The following SOAT2 variants were observed in gnomAD, a reference collection of about 807,000 sequenced individuals.
SOAT2 encodes sterol O-acyltransferase 2.
Under a neutral mutation model 76.0 loss-of-function variants are expected in SOAT2, and 87 were observed. The ratio of observed to expected loss-of-function variants is 1.14; its 90% CI spans 0.96 to 1.37. The LOEUF (loss-of-function observed/expected upper bound fraction) is 1.37, where lower values mean the gene tolerates loss of function less well. SOAT2 is among the 40% of genes most tolerant of loss of function. SOAT2 has a pLI of 0.00. For synonymous variants in SOAT2, 285 were observed against 275.4 expected (o/e 1.03, Z -0.34); for missense variants, 686 against 682.1 (o/e 1.01, Z -0.06).
At chr12:53,105,438 C>A in intron 3 of SOAT2, 123 bp from the exon 4 acceptor site, 1 of 1,219,276 alleles carries the variant, frequency 8.2e-7, no homozygotes, top group Non-Finnish European at 1.2e-6. Context: ...CCGGTCCTGC[C>A]CTCTGGCCCT....
chr12:53,116,793 G>A (rs919735897), intron 7 of SOAT2, among the ~76,000 whole-genome samples: 11 of 151,816 alleles, frequency 7.2e-5, no homozygotes, highest in East Asian at 3.9e-4. Flanking sequence ...ACTTGAGTCC[G>A]GGAGGTGAAG....
chr12:53,123,931 C>T (rs1938236144), intron 14 of SOAT2, 58 bp downstream of exon 14: 1 of 1,609,326 alleles, frequency 6.2e-7, no homozygotes, highest in Non-Finnish European at 8.5e-7. Context: ...AGACCAACAG[C>T]CAGTCCCTCC....
chr12:53,110,004 C>T (rs1937989494), intron 5 of SOAT2, among the ~76,000 whole-genome samples: 1 of 152,178 alleles, frequency 6.6e-6, no homozygotes, highest in African/African-American at 2.4e-5. Context: ...AATATGTTTA[C>T]ACACAGAATT....
chr12:53,123,185 C>T lies in SOAT2; in HGVS notation c.1341C>T (p.Pro447=), dbSNP rs373967175. 13 of 1,614,052 alleles carry T rather than the reference C, an allele frequency of 8.1e-6. No homozygotes were observed. Among genetic ancestry groups the T allele is most frequent in the Middle Eastern group, 1.6e-4 (1 of 6,062 alleles). Residue 447 remains proline, a synonymous_variant, in exon 13 of 15, where the codon CCC becomes CCT. Coordinates refer to ENST00000301466, the MANE Select transcript of SOAT2 (RefSeq NM_003578.4). ...GCTTCGTCCTGGGGTTCTTCTATCCCGTCATGCTGATACTCTTCCTTGTCA... is the reference window on the plus strand; with the variant it reads ...GCTTCGTCCTGGGGTTCTTCTATCCTGTCATGCTGATACTCTTCCTTGTCA... ...IFCFVLGFFY[P]VMLILFLVIG... is the part of the protein sequence containing the mutation.
At position 53,119,239 on chromosome 12, in the gene SOAT2, A is replaced by T. The variant is rs375493038; in HGVS notation, c.1025A>T (p.His342Leu). 6.2e-7 allele frequency: 1 copy of T among 1,614,040 alleles called. No homozygotes were observed. Among genetic ancestry groups the T allele is most frequent in the East Asian group, 2.2e-5 (1 of 44,878 alleles). ...CGTGCCCTGGTGCTCTCTATCCTGC[A>T]TGCCACGTTGCCAGGTGAGCCAACT... ...STRALVLSIL[H>L]ATLPGIFMLL... The change falls in exon 10 of 15, where the codon CAT becomes CTT. Residue 342 changes from histidine to leucine, a missense_variant. Transcript: ENST00000301466.
intron 5 of SOAT2, among the ~76,000 whole-genome samples, chr12:53,114,634 T>C (rs1263291923): frequency 6.6e-6 from 1 of 152,212 alleles, no homozygotes; most frequent in African/African-American, 2.4e-5. Flanking sequence ...AGCAGGATAA[T>C]TGTTTGAACC....
chr12:53,104,796 C>T (rs575094491), intron 2 of SOAT2, among the ~76,000 whole-genome samples: 1 of 151,054 alleles, frequency 6.6e-6, no homozygotes, highest in African/African-American at 2.5e-5. Flanking sequence ...CCCTGATCCT[C>T]GCTGCTGCCC....
chr12:53,123,020 G>A, intron 12 of SOAT2, 61 bp from the exon 13 acceptor site: 1 of 1,494,882 alleles, frequency 6.7e-7, no homozygotes, highest in Non-Finnish European at 8.9e-7. Flanking sequence ...GCTGGAGGTG[G>A]GGGCTCTTTG....
At position 53,106,018 on chromosome 12, in the gene SOAT2, G is replaced by C; in HGVS notation, c.443+4G>C. On this transcript the variant is annotated splice_donor_region_variant and intron_variant, in intron 5 of 14. Transcript: ENST00000301466. ...TCGACTTCATTGATGAGGGCAGGTA[G>C]GTCCCCTTCCCACCTGGGACAGGCA... The C allele has an allele frequency of 6.2e-7, 1 of 1,607,344 alleles. No homozygotes were observed. The highest frequency in any genetic ancestry group is 1.7e-4 in the Middle Eastern group (1 of 5,926).
chr12:53,115,493 C>T lies in SOAT2; in HGVS notation c.547C>T (p.Gln183Ter), dbSNP rs545072906. The T allele has an allele frequency of 3.1e-6, 5 of 1,610,598 alleles. No individual in the cohort carries two copies. Among genetic ancestry groups the T allele is most frequent in the African/African-American group, 1.3e-5 (1 of 75,064 alleles). The change falls in exon 6 of 15, where the codon CAG becomes TAG. Residue 183 changes from glutamine to a stop codon, truncating the protein, a stop_gained. Transcript: ENST00000301466. LOFTEE classifies it high-confidence loss of function. ...TCTGTCCACCCTGTTGGCGCCGTACCAGGCCCTACGGCTGTGGGCCAGGGG... is the reference window on the plus strand; with the variant it reads ...TCTGTCCACCCTGTTGGCGCCGTACTAGGCCCTACGGCTGTGGGCCAGGGG... Reference protein sequence around the residue: ...MFLSTLLAPYQALRLWARGTW... With the variant: ...MFLSTLLAPY
Position 53,124,205 on chromosome 12 carries a change from A to C in SOAT2, c.*82A>C, listed in dbSNP as rs1938241072. On this transcript the variant is annotated 3_prime_UTR_variant, in exon 15 of 15. Coordinates refer to ENST00000301466, the MANE Select transcript of SOAT2 (RefSeq NM_003578.4). ...ACCTGGGACCAGGACTCCTGTCTGCATTCCCAAATTTGGCTCTGAGTCGAG... is the reference window on the plus strand; with the variant it reads ...ACCTGGGACCAGGACTCCTGTCTGCCTTCCCAAATTTGGCTCTGAGTCGAG... 1 of 1,512,730 alleles carries C rather than the reference A, an allele frequency of 6.6e-7. No individual in the cohort carries two copies. The highest frequency in any genetic ancestry group is 9.2e-7 in the Non-Finnish European group (1 of 1,089,452). The allele number at this position is 1,512,730 out of a possible 1,614,324, so 93.7% of individuals were successfully genotyped here.
chr12:53,122,971 C>T (rs1938216520), intron 12 of SOAT2, 110 bp from the exon 13 acceptor site: 1 of 1,249,594 alleles, frequency 8.0e-7, no homozygotes, highest in Non-Finnish European at 1.1e-6. Flanking sequence ...GCTGACCCCC[C>T]CACCTCCCTG....
intron 12 of SOAT2, among the ~76,000 whole-genome samples, chr12:53,122,730 T>C (rs1223962892): frequency 3.3e-5 from 5 of 152,190 alleles, no homozygotes; most frequent in Non-Finnish European, 5.9e-5. Context: ...CCATGTCTAT[T>C]TCTTTCTACA....
At position 53,115,655 on chromosome 12, in the gene SOAT2, G is replaced by T. The variant is rs778032491; in HGVS notation, c.708+1G>T. 6.6e-7 allele frequency: 1 copy of T among 1,521,126 alleles called. No individual in the cohort carries two copies. The highest frequency in any genetic ancestry group is 8.8e-7 in the Non-Finnish European group (1 of 1,140,160). 94.2% of individuals were successfully genotyped at this position (1,521,126 alleles called of 1,614,324 possible). ...CCGTTGTGTCCTGGTCTTCGAGCAGGTGAGGGCCGAGCCCTGCTGACGGAC... is the reference window on the plus strand; with the variant it reads ...CCGTTGTGTCCTGGTCTTCGAGCAGTTGAGGGCCGAGCCCTGCTGACGGAC... On this transcript the variant is annotated splice_donor_variant, in intron 6 of 14. Coordinates refer to ENST00000301466, the MANE Select transcript of SOAT2 (RefSeq NM_003578.4). LOFTEE classifies it high-confidence loss of function.
chr12:53,107,938 T>C (rs1189790682), intron 5 of SOAT2, among the ~76,000 whole-genome samples: 1 of 143,052 alleles, frequency 7.0e-6, no homozygotes, highest in East Asian at 2.0e-4. Context: ...TTTTGAAACA[T>C]AATTTTTCTC....
Position 53,115,648 on chromosome 12 carries a change from C to A in SOAT2, c.702C>A (p.Phe234Leu). The A allele has an allele frequency of 6.5e-7, 1 of 1,533,368 alleles. No homozygotes were observed. Among genetic ancestry groups the A allele is most frequent in the South Asian group, 1.2e-5 (1 of 81,664 alleles). The allele number at this position is 1,533,368 out of a possible 1,614,324, so 95.0% of individuals were successfully genotyped here. The part of the protein sequence containing the change: ...LPPASRCVLV[F>L]EQVRFLMKSY... ...CGGCCTCCCGTTGTGTCCTGGTCTT[C>A]GAGCAGGTGAGGGCCGAGCCCTGCT... The change falls in exon 6 of 15, where the codon TTC becomes TTA. Residue 234 changes from phenylalanine (F) to leucine (L), a missense_variant. Phe to Leu is a conservative substitution (Grantham distance 22). Coordinates refer to ENST00000301466, the MANE Select transcript of SOAT2 (RefSeq NM_003578.4).
Position 53,121,298 on chromosome 12 carries a change from T to C in SOAT2, c.1138-5T>C, listed in dbSNP as rs1202100940. On this transcript the variant is annotated splice_region_variant and splice_polypyrimidine_tract_variant and intron_variant, in intron 11 of 14. Transcript: ENST00000301466. ...TTTCCCCCACTCTGACCCCACCTTC[T>C]CCAGGACTGGTGGAACTCAACGTCC... 1 of 1,611,216 alleles carries C rather than the reference T, an allele frequency of 6.2e-7. No individual in the cohort carries two copies. Among genetic ancestry groups the C allele is most frequent in the African/African-American group, 1.3e-5 (1 of 74,824 alleles).
intron 12 of SOAT2, 65 bp downstream of exon 12, chr12:53,121,466 T>G: frequency 2.3e-6 from 3 of 1,311,800 alleles, no homozygotes; most frequent in Non-Finnish European, 3.3e-6. Flanking sequence ...TTCCCTCTCC[T>G]TCCCTCCTGC....
intron 2 of SOAT2, 119 bp from the exon 3 acceptor site, chr12:53,104,988 G>C (rs747167252): frequency 3.0e-6 from 3 of 994,130 alleles, no homozygotes; most frequent in South Asian, 3.9e-5. Flanking sequence ...CCCCCAGGTT[G>C]TTTTTTTTTT....
Sources: allele counts gnomAD v4.1 joint callset (sites outside exome capture counted in the v4.1 genomes callset), GRCh38; gene constraint gnomAD v4.1.1; transcripts MANE v1.5; gene names NCBI Gene and HGNC (gene_info 2026-07-23, HGNC 2026-07-21).